HSPA12B: variants seen among roughly 807,000 people sequenced by gnomAD.
HSPA12B encodes heat shock 70 kDa protein 12B.
HSPA12B carries 54 observed loss-of-function variants against 69.3 expected under a neutral mutation model. The ratio of observed to expected loss-of-function variants is 0.78; its 90% CI spans 0.63 to 0.98. HSPA12B has a LOEUF of 0.98. Among genes scored for constraint, HSPA12B ranks in the 50% least tolerant of loss-of-function variants. The pLI is 0.00. For synonymous variants in HSPA12B, 441 were observed against 436.5 expected, an observed-to-expected ratio of 1.01 and a Z score of -0.13; for missense variants, 929 against 999.8, an observed-to-expected ratio of 0.93 and a Z score of 0.96.
rs2088365569 is a variant in HSPA12B, at chr20:3,749,313, A to G, written c.932A>G (p.Gln311Arg). ...GTAGGAGAGCTGTGGGCAGAGATGCAAGCAGGTAGGGGGAAAGGGGGACGG... is the reference window on the plus strand; with the variant it reads ...GTAGGAGAGCTGTGGGCAGAGATGCGAGCAGGTAGGGGGAAAGGGGGACGG... ...SGVGELWAEM[Q>R]AGDRYVVADC... is the part of the protein sequence containing the mutation. The change falls in exon 9 of 13, where the codon CAA becomes CGA. Residue 311 changes from glutamine to arginine, a missense_variant. Physicochemically the swap from Gln to Arg is conservative, Grantham distance 43 (BLOSUM62 1). Around this residue, in one of 3 missense-constraint regions of HSPA12B, gnomAD observed 477 missense variants for 535.2 expected, o/e 0.89. Coordinates refer to ENST00000254963, the MANE Select transcript of HSPA12B (RefSeq NM_052970.5). The surrounding 1 kb of genome is among the most constrained non-coding windows in gnomAD (Gnocchi z 5.5). 6.2e-7 allele frequency: 1 copy of G among 1,613,150 alleles called. No individual in the cohort carries two copies. Among genetic ancestry groups the G allele is most frequent in the Admixed American group, 1.7e-5 (1 of 59,932 alleles).
intron 3 of HSPA12B, among the ~76,000 whole-genome samples, chr20:3,741,252 T>A (rs756219534): frequency 6.6e-6 from 1 of 151,422 alleles, no homozygotes; most frequent in African/African-American, 2.4e-5. Flanking sequence ...GCACTGGGCC[T>A]CTTGTGGACC....
intron 12 of HSPA12B, 51 bp from the exon 13 acceptor site, chr20:3,751,460 G>A (rs924374192): frequency 2.9e-6 from 4 of 1,365,396 alleles, no homozygotes; most frequent in African/African-American, 1.5e-5. Context: ...TCTCTCCCCC[G>A]CCCCTTCTCC....
In HSPA12B at chr20:3,745,088, G is replaced by C. The variant is rs766367065; in HGVS notation, c.453G>C (p.Thr151=). The C allele has an allele frequency of 1.9e-6, 3 of 1,612,958 alleles. No individual in the cohort carries two copies. The highest frequency in any genetic ancestry group is 2.2e-5 in the East Asian group (1 of 44,878). Residue 151 remains threonine, a splice_region_variant and synonymous_variant, in exon 5 of 13, where the codon ACG becomes ACC. Transcript: ENST00000254963. The surrounding 1 kb of genome is among the most constrained non-coding windows in gnomAD (Gnocchi z 5.6). ...EKFKMKIHSA[T]DLTLKTQLEA... ...TCAAGATGAAGATCCACAGCGCCAC[G>C]GTGAGTCACAGGGCTCCAGACAGGG... is the stretch of plus-strand genomic sequence containing the variant.
intron 1 of HSPA12B, among the ~76,000 whole-genome samples, chr20:3,733,297 G>A (rs2088058959): frequency 6.6e-6 from 1 of 152,176 alleles, no homozygotes; most frequent in Non-Finnish European, 1.5e-5. Flanking sequence ...GGTCCAGGTG[G>A]GGTGGGGTCC....
At chr20:3,744,000 A>T (rs1430520520) in intron 4 of HSPA12B, among the ~76,000 whole-genome samples, 1 of 152,192 alleles carries the variant, frequency 6.6e-6, no homozygotes, top group Non-Finnish European at 1.5e-5. Flanking sequence ...ATCCATTCAA[A>T]TGTTGGGTTT....
At chr20:3,748,188 G>T in intron 7 of HSPA12B, 29 bp from the exon 8 acceptor site, 3 of 1,512,696 alleles carry the variant, frequency 2.0e-6, no homozygotes, top group South Asian at 2.6e-5. Flanking sequence ...CCACAGTGCT[G>T]CCTGACCCTG....
At chr20:3,746,075 C>T in intron 7 of HSPA12B, 44 bp downstream of exon 7, 1 of 1,432,698 alleles carries the variant, frequency 7.0e-7, no homozygotes, top group South Asian at 1.2e-5. Flanking sequence ...TCAGGAAGGG[C>T]CAGGCCTGTC....
intron 12 of HSPA12B, 26 bp from the exon 13 acceptor site, chr20:3,751,485 C>G (rs1486914542): frequency 4.3e-6 from 6 of 1,382,628 alleles, no homozygotes; most frequent in Non-Finnish European, 5.6e-6. Flanking sequence ...CCCCCTTCAC[C>G]CGCGTCCCCC....
chr20:3,750,690 T>A, intron 11 of HSPA12B, 114 bp from the exon 12 acceptor site: 1 of 1,584,168 alleles, frequency 6.3e-7, no homozygotes, highest in Non-Finnish European at 8.6e-7. Context: ...GTGCAGTCGG[T>A]GCCCAGGCAC....
In HSPA12B at chr20:3,744,738, T is replaced by G. The variant is rs2088264234; in HGVS notation, c.267-164T>G. Among the ~76,000 whole-genome samples, 1 of 152,234 alleles carries G rather than the reference T, an allele frequency of 6.6e-6. No individual in the cohort carries two copies. The highest frequency in any genetic ancestry group is 1.5e-5 in the Non-Finnish European group (1 of 68,042). On this transcript the variant is annotated intron_variant, in intron 4 of 12. Transcript: ENST00000254963. This position sits in a 1 kb window ranked among gnomAD's most constrained non-coding sequence, Gnocchi z 4.9. Reference sequence around the variant, plus strand: ...GAATGGCCTTCTGTGCTCTTCATGATCTCACCTTAGCATTCTTGTGTTTTC... The same window carrying G: ...GAATGGCCTTCTGTGCTCTTCATGAGCTCACCTTAGCATTCTTGTGTTTTC...
rs1384984490 is a variant in HSPA12B, at chr20:3,751,659, C to T, written c.1554C>T (p.Leu518=). ...LRVVVPHDVG[L]TILKGAVLFG... Reference sequence around the variant, plus strand: ...TCGTGGTCCCGCACGACGTGGGCCTCACCATCCTCAAAGGCGCGGTGCTGT... The same window carrying T: ...TCGTGGTCCCGCACGACGTGGGCCTTACCATCCTCAAAGGCGCGGTGCTGT... Residue 518 remains leucine (L), a synonymous_variant, in exon 13 of 13, where the codon CTC becomes CTT. Transcript: ENST00000254963. 2 of 1,521,308 alleles carry T rather than the reference C, an allele frequency of 1.3e-6. No homozygotes were observed. The highest frequency in any genetic ancestry group is 2.8e-5 in the African/African-American group (2 of 71,044). 94.2% of individuals were successfully genotyped at this position (1,521,308 alleles called of 1,614,324 possible). A position where few individuals can be genotyped will look rare whatever the true frequency, so the allele number is the denominator to read the frequency against.
chr20:3,733,995 G>A (rs2088070210), intron 1 of HSPA12B, among the ~76,000 whole-genome samples: 1 of 152,178 alleles, frequency 6.6e-6, no homozygotes. Context: ...GAGATCCTCC[G>A]AGGATTCTGT....
rs1405365922 is a variant in HSPA12B at position 3,752,787 on chromosome 20, G to GT, written c.*621_*622insT. The stretch of plus-strand genomic sequence containing the variant: ...TGGAGGTGGGAACATTATTGTGGTG[G>GT]AGGCAATTATGAGGGTAGCATTTCT... On this transcript the variant is annotated 3_prime_UTR_variant, in exon 13 of 13. Transcript: ENST00000254963. The GT allele has an allele frequency of 2.6e-5, 4 of 153,962 alleles. No individual in the cohort carries two copies. Among genetic ancestry groups the GT allele is most frequent in the African/African-American group, 9.6e-5 (4 of 41,564 alleles). The allele number at this position is 153,962 out of a possible 1,614,324, so 9.5% of individuals were successfully genotyped here.
In HSPA12B at chr20:3,740,987, C is replaced by T. The variant is rs2088191420; in HGVS notation, c.141+75C>T. On this transcript the variant is annotated intron_variant, in intron 3 of 12. Coordinates refer to ENST00000254963, the MANE Select transcript of HSPA12B (RefSeq NM_052970.5). This position sits in a 1 kb window ranked among gnomAD's most constrained non-coding sequence, Gnocchi z 4.9. ...AGGGTCGTGCGTGGCAAAGTCATGA[C>T]AGGGCCTCAGCTAGGAAGGAGGAGG... 8.2e-7 allele frequency: 1 copy of T among 1,224,048 alleles called. No individual in the cohort carries two copies. Among genetic ancestry groups the T allele is most frequent in the Non-Finnish European group, 1.2e-6 (1 of 860,598 alleles). The allele number at this position is 1,224,048 out of a possible 1,614,324, so 75.8% of individuals were successfully genotyped here.
Position 3,740,317 on chromosome 20 carries a change from T to A in HSPA12B, c.44-498T>A, listed in dbSNP as rs539936529. Among the ~76,000 whole-genome samples the A allele has an allele frequency of 3.9e-5, 6 of 152,074 alleles. No homozygotes were observed. Among genetic ancestry groups the A allele is most frequent in the Admixed American group, 6.5e-5 (1 of 15,272 alleles). On this transcript the variant is annotated intron_variant, in intron 2 of 12. Coordinates refer to ENST00000254963, the MANE Select transcript of HSPA12B (RefSeq NM_052970.5). The surrounding 1 kb of genome is among the most constrained non-coding windows in gnomAD (Gnocchi z 4.9). ...CTTGTGGGCATGGGAGCTGCAGAGT[T>A]CCCTCAAGTCCTGATTAGAACCACG...
At position 3,740,757 on chromosome 20, in the gene HSPA12B, C is replaced by T; in HGVS notation, c.44-58C>T. ...GAACCTTTGGGTGCCTGGCTTGGGG[C>T]CCCGCTGCCATACCTACCCTGCTTG... On this transcript the variant is annotated intron_variant, in intron 2 of 12. Coordinates refer to ENST00000254963, the MANE Select transcript of HSPA12B (RefSeq NM_052970.5). The surrounding 1 kb of genome is among the most constrained non-coding windows in gnomAD (Gnocchi z 4.9). The T allele has an allele frequency of 6.9e-7, 1 of 1,459,798 alleles. No homozygotes were observed. The highest frequency in any genetic ancestry group is 1.4e-5 in the African/African-American group (1 of 71,864). The allele number at this position is 1,459,798 out of a possible 1,614,324, so 90.4% of individuals were successfully genotyped here.
Position 3,740,073 on chromosome 20 carries a change from T to G in HSPA12B, c.44-742T>G, listed in dbSNP as rs190015635. On this transcript the variant is annotated intron_variant, in intron 2 of 12. Coordinates refer to ENST00000254963, the MANE Select transcript of HSPA12B (RefSeq NM_052970.5). The surrounding 1 kb of genome is among the most constrained non-coding windows in gnomAD (Gnocchi z 4.9). ...CTACTCCACTCCCTCCCACCAAAGGTCCAGCTCAGTCCCAGGCGTGCAAGA... is the reference window on the plus strand; with the variant it reads ...CTACTCCACTCCCTCCCACCAAAGGGCCAGCTCAGTCCCAGGCGTGCAAGA... Among the ~76,000 whole-genome samples, 184 of 152,114 alleles carry G rather than the reference T, an allele frequency of 1.2e-3. No individual in the cohort carries two copies. Among genetic ancestry groups the G allele is most frequent in the African/African-American group, 4.3e-3 (178 of 41,466 alleles).
rs1184651251 is a variant in HSPA12B, at chr20:3,749,940, C to T, written c.1043-29C>T. On this transcript the variant is annotated intron_variant, in intron 10 of 12. Transcript: ENST00000254963. This position sits in a 1 kb window ranked among gnomAD's most constrained non-coding sequence, Gnocchi z 5.5. ...CCCCTGGCGGCCCGGCGAGCGCTGACGCCCTCTTCGCCCCCTGCTCCACCC... is the reference window on the plus strand; with the variant it reads ...CCCCTGGCGGCCCGGCGAGCGCTGATGCCCTCTTCGCCCCCTGCTCCACCC... The T allele has an allele frequency of 7.8e-6, 12 of 1,547,440 alleles. No individual in the cohort carries two copies. The East Asian group carries it at 2.9e-4, about 37-fold the overall frequency.
In HSPA12B at chr20:3,752,452, G is replaced by A. The variant is rs1442328511; in HGVS notation, c.*286G>A. Reference sequence around the variant, plus strand: ...CAAGACAGAGCGCGCAGCCCGGCAAGGGGCATGTGACCCCGAAGGAAGAAC... The same window carrying A: ...CAAGACAGAGCGCGCAGCCCGGCAAAGGGCATGTGACCCCGAAGGAAGAAC... On this transcript the variant is annotated 3_prime_UTR_variant, in exon 13 of 13. Transcript: ENST00000254963. 5.5e-6 allele frequency: 2 copies of A among 361,254 alleles called. No homozygotes were observed. Among genetic ancestry groups the A allele is most frequent in the Non-Finnish European group, 9.9e-6 (2 of 201,294 alleles). 22.4% of individuals were successfully genotyped at this position (361,254 alleles called of 1,614,324 possible). A position where few individuals can be genotyped will look rare whatever the true frequency, so the allele number is the denominator to read the frequency against.
Sources: allele counts gnomAD v4.1 joint callset (sites outside exome capture counted in the v4.1 genomes callset), GRCh38; gene constraint gnomAD v4.1.1; regional missense constraint gnomAD v4.1.1; non-coding constraint Gnocchi (gnomAD v3.1); transcripts MANE v1.5; gene names NCBI Gene and HGNC (gene_info 2026-07-23, HGNC 2026-07-21).